The following CTNND2 variants were observed in gnomAD, a reference collection of about 807,000 sequenced individuals.
CTNND2 encodes catenin delta-2.
Under a neutral mutation model 144.4 loss-of-function variants are expected in CTNND2, and 22 were observed. The ratio of observed to expected loss-of-function variants is 0.15; its 90% CI spans 0.11 to 0.22. The LOEUF is 0.22. Ranked by LOEUF, CTNND2 falls within the 10% of genes least tolerant of loss-of-function variation. The pLI is 1.00. For missense variants in CTNND2, 1,353 were observed against 1,618.8 expected (o/e 0.84, Z 2.82); for synonymous variants, 751 against 695.6 (o/e 1.08, Z -1.25).
At chr5:11,730,445 T>C (rs1787322137) in intron 2 of CTNND2, among the ~76,000 whole-genome samples, 1 of 152,238 alleles carries the variant, frequency 6.6e-6, no homozygotes, top group Admixed American at 6.5e-5. Context: ...AATAGGCATA[T>C]ATGTATATTT....
chr5:11,743,596 A>G (rs187425700), intron 1 of CTNND2, among the ~76,000 whole-genome samples: 154 of 152,314 alleles, frequency 1.0e-3, no homozygotes, highest in Non-Finnish European at 1.6e-3. Context: ...AGAACATGCA[A>G]CCACAAGGGC....
At chr5:11,273,979 C>T (rs574843521) in intron 9 of CTNND2, among the ~76,000 whole-genome samples, 6 of 152,254 alleles carry the variant, frequency 3.9e-5, no homozygotes, top group African/African-American at 1.4e-4. Flanking sequence ...AGGGAGGGGA[C>T]GGGTATTTAT....
intron 2 of CTNND2, among the ~76,000 whole-genome samples, chr5:11,713,583 C>CAAAA (rs1165519277): frequency 5.2e-4 from 30 of 57,832 alleles, no homozygotes; most frequent in African/African-American, 1.5e-3. Context: ...GACTCCATCT[C>CAAAA]AAAAAAAAAA....
chr5:11,060,821 T>C (rs182048124), intron 16 of CTNND2, among the ~76,000 whole-genome samples: 34 of 152,332 alleles, frequency 2.2e-4, no homozygotes, highest in African/African-American at 7.2e-4. Context: ...ATGAAGACAA[T>C]TATGTAAGAA....
intron 16 of CTNND2, among the ~76,000 whole-genome samples, chr5:11,078,648 C>T (rs1291956310): frequency 6.6e-6 from 1 of 152,156 alleles, no homozygotes; most frequent in Non-Finnish European, 1.5e-5. Context: ...TACAAACACA[C>T]AATACCAAGT....
chr5:11,381,894 G>C (rs1758520467), intron 7 of CTNND2, among the ~76,000 whole-genome samples: 2 of 152,280 alleles, frequency 1.3e-5, no homozygotes, highest in Non-Finnish European at 2.9e-5. Context: ...GTAAACCTGG[G>C]AGGCGGAGCT....
chr5:11,129,150 A>ATATATGTTAT (rs1390374785), intron 12 of CTNND2, among the ~76,000 whole-genome samples: 1 of 15,894 alleles, frequency 6.3e-5, no homozygotes, highest in Non-Finnish European at 1.3e-4. Flanking sequence ...TTATATATAA[A>ATATATGTTAT]ATATACATAT....
At chr5:11,534,804 T>C (rs1336145792) in intron 3 of CTNND2, among the ~76,000 whole-genome samples, 2 of 152,160 alleles carry the variant, frequency 1.3e-5, no homozygotes, top group East Asian at 1.9e-4. Context: ...ATATGTAAGT[T>C]AGTTTTTCCT....
chr5:11,732,170 G>T lies in CTNND2; in HGVS notation c.140C>A (p.Thr47Asn). ...TSNGDGSETE[T>N]TSAILASVKE... ...GACTGAGGCGAGGATGGCAGAGGTGGTTTCTGTTTCAGAGCCATCCCCGTT... is the reference window on the plus strand; with the variant it reads ...GACTGAGGCGAGGATGGCAGAGGTGTTTTCTGTTTCAGAGCCATCCCCGTT... The change falls in exon 2 of 22, where the codon ACC becomes AAC. Residue 47 changes from threonine to asparagine, a missense_variant. Physicochemically the swap from Thr to Asn is moderately conservative, Grantham distance 65 (BLOSUM62 0). This residue lies in a region of CTNND2 where 708 missense variants were observed against 706.4 expected (regional missense o/e 1.00). Transcript: ENST00000304623. 6.2e-7 allele frequency: 1 copy of T among 1,613,928 alleles called. No homozygotes were observed. The highest frequency in any genetic ancestry group is 8.5e-7 in the Non-Finnish European group (1 of 1,179,872).
intron 6 of CTNND2, among the ~76,000 whole-genome samples, chr5:11,388,619 T>G (rs774842409): frequency 3.9e-5 from 6 of 152,224 alleles, no homozygotes; most frequent in Admixed American, 3.3e-4. Context: ...GTAGCATCAT[T>G]TGAATAAAAA....
intron 2 of CTNND2, among the ~76,000 whole-genome samples, chr5:11,674,209 T>C (rs1164340221): frequency 6.6e-6 from 1 of 152,170 alleles, no homozygotes; most frequent in African/African-American, 2.4e-5. Context: ...CTTTTCCTCC[T>C]AAGAAAATAA....
chr5:11,827,432 A>G (rs1207682419), intron 1 of CTNND2, among the ~76,000 whole-genome samples: 2 of 152,190 alleles, frequency 1.3e-5, no homozygotes, highest in African/African-American at 4.8e-5. Context: ...ACAATAATGA[A>G]TAAAACAAAG....
chr5:11,759,392 C>T (rs1244424257), intron 1 of CTNND2, among the ~76,000 whole-genome samples: 2 of 151,896 alleles, frequency 1.3e-5, no homozygotes, highest in Admixed American at 6.6e-5. Context: ...ATAAACATGT[C>T]CAAGGATCTT....
intron 3 of CTNND2, among the ~76,000 whole-genome samples, chr5:11,489,010 G>A (rs1271196192): frequency 6.6e-6 from 1 of 151,882 alleles, no homozygotes; most frequent in Non-Finnish European, 1.5e-5. Context: ...AATAAAGCTA[G>A]TATAAATACT....
At chr5:11,219,277 A>G (rs1429264569) in intron 10 of CTNND2, among the ~76,000 whole-genome samples, 1 of 152,218 alleles carries the variant, frequency 6.6e-6, no homozygotes, top group African/African-American at 2.4e-5. Flanking sequence ...AATCAAATGG[A>G]GTTAAAATCT....
chr5:11,875,092 C>T (rs1382436620), intron 1 of CTNND2, among the ~76,000 whole-genome samples: 1 of 152,136 alleles, frequency 6.6e-6, no homozygotes, highest in Non-Finnish European at 1.5e-5. Flanking sequence ...AAGTGGATAA[C>T]TTAAAAATAA....
At chr5:11,537,960 G>A (rs957227386) in intron 3 of CTNND2, among the ~76,000 whole-genome samples, 4 of 151,950 alleles carry the variant, frequency 2.6e-5, no homozygotes, top group Non-Finnish European at 5.9e-5. Flanking sequence ...ATTCACCTAC[G>A]CTGTTACTAG....
chr5:11,151,979 GAA>G lies in CTNND2; in HGVS notation c.2159+7595_2159+7596del, dbSNP rs546147715. ...AAGCTTTTTCGAACTTTTCCTAATGGAAAAGACAGGGCACATACAAAATTCCT... is the reference window on the plus strand; with the variant it reads ...AAGCTTTTTCGAACTTTTCCTAATGGAAGACAGGGCACATACAAAATTCCT... On this transcript the variant is annotated intron_variant, in intron 12 of 21. Coordinates refer to ENST00000304623, the MANE Select transcript of CTNND2 (RefSeq NM_001332.4). 7.4e-3 allele frequency among the ~76,000 whole-genome samples: 1,128 copies of G among 152,202 alleles called. 5 individuals are homozygous for G. Among genetic ancestry groups the G allele is most frequent in the Non-Finnish European group, 0.012 (815 of 68,004 alleles).
chr5:11,774,566 AAAAAAAC>A (rs1561785397), intron 1 of CTNND2, among the ~76,000 whole-genome samples: 3 of 150,090 alleles, frequency 2.0e-5, no homozygotes, highest in Non-Finnish European at 3.0e-5. Flanking sequence ...AAAATTAAAA[AAAAAAAC>A]AATGATGGCT....
Sources: gnomAD v4.1 joint callset for allele counts (sites outside exome capture counted in the v4.1 genomes callset) on GRCh38, gnomAD v4.1.1 for gene constraint, gnomAD v4.1.1 regional missense constraint, MANE v1.5 for transcripts, NCBI Gene and HGNC (gene_info 2026-07-23, HGNC 2026-07-21) for gene names.